Variants in FARP1 observed in about 807,000 individuals in gnomAD.
FARP1 encodes FERM, ARHGEF and pleckstrin domain-containing protein 1.
FARP1 carries 52 observed loss-of-function variants against 128.8 expected under a neutral mutation model. The ratio of observed to expected loss-of-function variants is 0.40; its 90% CI spans 0.32 to 0.51. The LOEUF is 0.51. FARP1 is among the 20% of genes least tolerant of loss of function. FARP1 has a pLI of 0.45. For missense variants in FARP1, 1,333 were observed against 1,367.9 expected, an observed-to-expected ratio of 0.97 and a Z score of 0.40; for synonymous variants, 580 against 551.8, an observed-to-expected ratio of 1.05 and a Z score of -0.72.
At position 98,224,546 on chromosome 13, in the gene FARP1, GA is replaced by G. The variant is rs11450140; in HGVS notation, c.171+11144del. ...TGTCTCAAAAAAAAAAAAAAAAAAAGAAAAAAAAAAAGAAAACACAAAACAA... is the reference window on the plus strand; with the variant it reads ...TGTCTCAAAAAAAAAAAAAAAAAAAGAAAAAAAAAAGAAAACACAAAACAA... On this transcript the variant is annotated intron_variant, in intron 2 of 26. Transcript: ENST00000319562. 3.7e-4 allele frequency among the ~76,000 whole-genome samples: 39 copies of G among 104,964 alleles called. 1 individual carries two copies. The highest frequency in any genetic ancestry group is 1.5e-3 in the African/African-American group (37 of 24,660). The allele number at this position is 104,964 out of a possible 152,430, so 68.9% of individuals were successfully genotyped here.
intron 2 of FARP1, among the ~76,000 whole-genome samples, chr13:98,326,945 T>C (rs1887262019): frequency 6.6e-6 from 1 of 152,258 alleles, no homozygotes; most frequent in Non-Finnish European, 1.5e-5. Context: ...TAATTTGATT[T>C]GTTTTGAGCA....
intron 2 of FARP1, among the ~76,000 whole-genome samples, chr13:98,305,522 C>T (rs1346124017): frequency 1.2e-4 from 19 of 152,056 alleles, no homozygotes; most frequent in Admixed American, 6.6e-4. Context: ...TTAGTAGAGA[C>T]GGGGTTTCTC....
intron 13 of FARP1, chr13:98,397,583 C>G (rs1280125204): frequency 6.6e-6 from 1 of 152,146 alleles, no homozygotes; most frequent in African/African-American, 2.4e-5. Context: ...GATTAAAGAG[C>G]CTGGTTTTCA....
At chr13:98,328,032 C>G (rs1887309755) in intron 2 of FARP1, among the ~76,000 whole-genome samples, 1 of 152,130 alleles carries the variant, frequency 6.6e-6, no homozygotes, top group Non-Finnish European at 1.5e-5. Flanking sequence ...TAGCATGATC[C>G]AAGGGCAGAG....
chr13:98,337,308 G>T (rs1887785537), intron 2 of FARP1, among the ~76,000 whole-genome samples: 1 of 152,104 alleles, frequency 6.6e-6, no homozygotes, highest in East Asian at 1.9e-4. Context: ...AGAGATTGAG[G>T]TTGCAGTGAG....
intron 2 of FARP1, among the ~76,000 whole-genome samples, chr13:98,307,939 G>A (rs537211331): frequency 6.6e-6 from 1 of 152,060 alleles, no homozygotes; most frequent in African/African-American, 2.4e-5. Flanking sequence ...CAATCTGACG[G>A]CAGCCTAGCT....
intron 2 of FARP1, among the ~76,000 whole-genome samples, chr13:98,257,971 G>GAT (rs1431285134): frequency 2.0e-5 from 3 of 152,046 alleles, no homozygotes; most frequent in Non-Finnish European, 4.4e-5. Flanking sequence ...GTACACCATT[G>GAT]ATATATATAA....
intron 1 of FARP1, among the ~76,000 whole-genome samples, chr13:98,207,908 CCACACACACACACACACACACACA>C (rs71111934): frequency 6.0e-4 from 43 of 71,610 alleles, no homozygotes; most frequent in African/African-American, 1.3e-3. Flanking sequence ...ACCACCACCT[CCACACACACACACACACACACACA>C]CACACACACA....
intron 2 of FARP1, among the ~76,000 whole-genome samples, chr13:98,273,414 A>G (rs1018476307): frequency 3.3e-5 from 5 of 152,204 alleles, no homozygotes; most frequent in African/African-American, 1.2e-4. Context: ...AATGCTGGTC[A>G]GTTGTGCCTA....
At chr13:98,401,930 T>G (rs1234208248) in intron 13 of FARP1, 1 of 152,150 alleles carries the variant, frequency 6.6e-6, no homozygotes, top group Admixed American at 6.5e-5. Flanking sequence ...CAGCATCTTC[T>G]CGGCGCCCGG....
chr13:98,440,605 G>T, intron 23 of FARP1, 65 bp from the exon 24 acceptor site: 2 of 1,521,998 alleles, frequency 1.3e-6, no homozygotes, highest in South Asian at 1.2e-5. Flanking sequence ...CAGCACCTCA[G>T]AGTGTATCAG....
Position 98,210,167 on chromosome 13 carries a change from A to C in FARP1, c.-23-3053A>C, listed in dbSNP as rs375527103. On this transcript the variant is annotated intron_variant, in intron 1 of 26. Coordinates refer to ENST00000319562, the MANE Select transcript of FARP1 (RefSeq NM_005766.4). ...TGACTTTTTCTCAAATGTGAGTGAG[A>C]CGCAGCTCACAGTTCCATTCCTTGC... Among the ~76,000 whole-genome samples, 27 of 152,148 alleles carry C rather than the reference A, an allele frequency of 1.8e-4. No individual in the cohort carries two copies. In the East Asian group the frequency reaches 4.7e-3, roughly 26 times the overall value.
rs866639603 is a variant in FARP1 at position 98,299,898 on chromosome 13, T to G, written c.172-43864T>G. ...TTTTTGTTTCTATGTTTTTGGATGC[T>G]TTCTGCCTCCCAGATGATCTGCTGC... On this transcript the variant is annotated intron_variant, in intron 2 of 26. Coordinates refer to ENST00000319562, the MANE Select transcript of FARP1 (RefSeq NM_005766.4). Among the ~76,000 whole-genome samples, 3 of 152,326 alleles carry G rather than the reference T, an allele frequency of 2.0e-5. No homozygotes were observed. In the Middle Eastern group the frequency reaches 0.01, roughly 518 times the overall value.
intron 2 of FARP1, among the ~76,000 whole-genome samples, chr13:98,236,761 A>G (rs552111664): frequency 1.2e-3 from 182 of 152,258 alleles, no homozygotes; most frequent in African/African-American, 4.3e-3. Flanking sequence ...AAGCCAAGGC[A>G]GGTGGGTCAC....
chr13:98,393,972 C>CT (rs1481228854), intron 12 of FARP1, among the ~76,000 whole-genome samples: 1 of 152,184 alleles, frequency 6.6e-6, no homozygotes, highest in Non-Finnish European at 1.5e-5. Flanking sequence ...CTCTAAGCCA[C>CT]TGAGAACTCA....
intron 2 of FARP1, among the ~76,000 whole-genome samples, chr13:98,215,979 C>A (rs918635440): frequency 2.0e-5 from 3 of 152,046 alleles, no homozygotes; most frequent in Non-Finnish European, 2.9e-5. Context: ...TTAGTAGAGA[C>A]GGGCTTTTAC....
At chr13:98,218,162 G>C (rs1021670235) in intron 2 of FARP1, among the ~76,000 whole-genome samples, 1 of 141,732 alleles carries the variant, frequency 7.1e-6, no homozygotes, top group Non-Finnish European at 1.5e-5. Context: ...CTCACCCCAT[G>C]CTGCCCTGTT....
intron 2 of FARP1, among the ~76,000 whole-genome samples, chr13:98,342,991 T>C (rs1888032368): frequency 6.6e-6 from 1 of 151,636 alleles, no homozygotes; most frequent in South Asian, 2.1e-4. Context: ...ACCATTGCAC[T>C]CCAGCCTGGG....
At chr13:98,442,934 C>T (rs1437324803) in intron 24 of FARP1, among the ~76,000 whole-genome samples, 1 of 152,256 alleles carries the variant, frequency 6.6e-6, no homozygotes, top group African/African-American at 2.4e-5. Flanking sequence ...TGGAGGCACC[C>T]AGGCCATTCA....
Sources: gnomAD v4.1 joint callset for allele counts (sites outside exome capture counted in the v4.1 genomes callset) on GRCh38, gnomAD v4.1.1 for gene constraint, MANE v1.5 for transcripts, NCBI Gene and HGNC (gene_info 2026-07-23, HGNC 2026-07-21) for gene names.